The following PTPRM variants were observed in gnomAD, a reference collection of about 807,000 sequenced individuals.
PTPRM encodes protein tyrosine phosphatase receptor type M.
In PTPRM, 47 loss-of-function variants were observed where a neutral mutation model predicts 186.7. The observed-to-expected ratio is 0.25, with a 90% confidence interval of 0.20 to 0.32. PTPRM has a LOEUF of 0.32. Ranked by LOEUF, PTPRM falls within the 10% of genes least tolerant of loss-of-function variation. The pLI is 1.00. For missense variants in PTPRM, 1,494 were observed against 1,865.0 expected, an observed-to-expected ratio of 0.80 and a Z score of 3.66; for synonymous variants, 668 against 674.9, an observed-to-expected ratio of 0.99 and a Z score of 0.16.
intron 7 of PTPRM, among the ~76,000 whole-genome samples, chr18:8,061,285 C>G (rs1483977189): frequency 1.1e-5 from 1 of 89,464 alleles, no homozygotes; most frequent in African/African-American, 4.8e-5. Flanking sequence ...CAACCCCTGC[C>G]TTTTTTTGTT....
intron 19 of PTPRM, among the ~76,000 whole-genome samples, chr18:8,262,196 G>A (rs546562661): frequency 6.6e-6 from 1 of 152,166 alleles, no homozygotes; most frequent in South Asian, 2.1e-4. Context: ...CCCTCCCCTA[G>A]GGCCTGCCCT....
chr18:7,820,777 C>T (rs187809631), intron 2 of PTPRM, among the ~76,000 whole-genome samples: 3 of 152,342 alleles, frequency 2.0e-5, no homozygotes, highest in Non-Finnish European at 4.4e-5. Context: ...TCTTTGGCTT[C>T]TCTCATGGCA....
intron 14 of PTPRM, among the ~76,000 whole-genome samples, chr18:8,196,035 G>A (rs1330433615): frequency 6.6e-6 from 1 of 152,178 alleles, no homozygotes; most frequent in Non-Finnish European, 1.5e-5. Flanking sequence ...CTGACCAGCT[G>A]GCTAGAGGTA....
rs781709172 is a variant in PTPRM at position 7,744,172 on chromosome 18, A to T, written c.74-29977A>T. Among the ~76,000 whole-genome samples, 109 of 152,296 alleles carry T rather than the reference A, an allele frequency of 7.2e-4. 1 individual carries two copies. The highest frequency in any genetic ancestry group is 3.4e-3 in the Middle Eastern group (1 of 294). ...CATATCTCTACAGATTTGAGGCTCA[A>T]AAAGGCCACGGTGTGAAGAAAACTG... On this transcript the variant is annotated intron_variant, in intron 1 of 32. Coordinates refer to ENST00000580170, the MANE Select transcript of PTPRM (RefSeq NM_001105244.2).
At chr18:7,620,656 CA>C (rs2037915728) in intron 1 of PTPRM, among the ~76,000 whole-genome samples, 1 of 152,160 alleles carries the variant, frequency 6.6e-6, no homozygotes, top group South Asian at 2.1e-4. Context: ...ATATAATGCA[CA>C]CTTTATAGCT....
chr18:8,302,867 G>A (rs1383376938), intron 20 of PTPRM, among the ~76,000 whole-genome samples: 6 of 152,012 alleles, frequency 3.9e-5, no homozygotes, highest in Admixed American at 3.9e-4. Flanking sequence ...GAGGAGCTCA[G>A]GTTGGCATGA....
intron 14 of PTPRM, among the ~76,000 whole-genome samples, chr18:8,225,995 G>A (rs4405615): frequency 0.69 from 104,918 of 152,106 alleles, 37,409 homozygotes; most frequent in African/African-American, 0.86. Flanking sequence ...CAACTACAGA[G>A]TAGGAATATA....
intron 1 of PTPRM, among the ~76,000 whole-genome samples, chr18:7,641,715 A>C (rs1352999146): frequency 6.6e-6 from 1 of 152,258 alleles, no homozygotes; most frequent in Admixed American, 6.5e-5. Flanking sequence ...ACTTTCATCT[A>C]TAGGCATTAA....
At chr18:8,364,448 GT>G (rs1359326976) in intron 23 of PTPRM, among the ~76,000 whole-genome samples, 1 of 152,288 alleles carries the variant, frequency 6.6e-6, no homozygotes, top group East Asian at 1.9e-4. Context: ...AGAGCAATCT[GT>G]GTTCTCAGGA....
At chr18:7,626,687 A>G (rs1024331758) in intron 1 of PTPRM, among the ~76,000 whole-genome samples, 4 of 151,992 alleles carry the variant, frequency 2.6e-5, no homozygotes, top group Admixed American at 1.3e-4. Context: ...CACTGGGGTT[A>G]TCTGGGTTAT....
At chr18:7,718,256 AAGCCAAATAC>A (rs2040380565) in intron 1 of PTPRM, among the ~76,000 whole-genome samples, 1 of 152,154 alleles carries the variant, frequency 6.6e-6, no homozygotes, top group South Asian at 2.1e-4. Context: ...CTCAGAAATA[AAGCCAAATAC>A]AGCCAACTGA....
In PTPRM at chr18:7,817,448, A is replaced by G. The variant is rs11874878; in HGVS notation, c.196+43177A>G. On this transcript the variant is annotated intron_variant, in intron 2 of 32. Coordinates refer to ENST00000580170, the MANE Select transcript of PTPRM (RefSeq NM_001105244.2). ...AGTTGATAGAAATGTAATATTAGAT[A>G]CCATTTGGGGTTATTATTGTACTAC... Among the ~76,000 whole-genome samples the G allele has an allele frequency of 1.6e-3, 240 of 152,324 alleles. 1 individual carries two copies. Among genetic ancestry groups the G allele is most frequent in the African/African-American group, 5.3e-3 (221 of 41,580 alleles).
chr18:8,107,515 C>T (rs1235606889), intron 11 of PTPRM, among the ~76,000 whole-genome samples: 1 of 152,182 alleles, frequency 6.6e-6, no homozygotes, highest in Admixed American at 6.5e-5. Context: ...ACTAGCAGAG[C>T]AGCAGGGTAT....
chr18:7,584,474 C>T (rs983946816), intron 1 of PTPRM, among the ~76,000 whole-genome samples: 5 of 152,226 alleles, frequency 3.3e-5, no homozygotes, highest in African/African-American at 9.6e-5. Context: ...CATGGTAACT[C>T]AAGGCCCAGA....
intron 9 of PTPRM, among the ~76,000 whole-genome samples, chr18:8,078,935 A>G (rs569672077): frequency 6.6e-6 from 1 of 152,318 alleles, no homozygotes; most frequent in African/African-American, 2.4e-5. Context: ...CATGACCCAA[A>G]CACCTCCAAC....
At chr18:8,195,266 C>T (rs1354145978) in intron 14 of PTPRM, among the ~76,000 whole-genome samples, 1 of 148,840 alleles carries the variant, frequency 6.7e-6, no homozygotes, top group Non-Finnish European at 1.5e-5. Flanking sequence ...GTATTTGCTT[C>T]GTGGTTCCAT....
intron 32 of PTPRM, among the ~76,000 whole-genome samples, chr18:8,400,309 G>A (rs941027379): frequency 5.9e-5 from 9 of 152,226 alleles, no homozygotes; most frequent in African/African-American, 2.2e-4. Flanking sequence ...TGCAGCAGCC[G>A]AGTGTTAAAA....
chr18:7,749,351 A>G (rs1193203651), intron 1 of PTPRM: 1 of 150,222 alleles, frequency 6.7e-6, no homozygotes, highest in East Asian at 1.9e-4. Context: ...AAAAACTCAC[A>G]TTTTTTTTTG....
intron 2 of PTPRM, among the ~76,000 whole-genome samples, chr18:7,887,261 T>A (rs2048835718): frequency 1.3e-5 from 2 of 152,188 alleles, no homozygotes; most frequent in Admixed American, 1.3e-4. Context: ...TGGGGAAGGC[T>A]CAAGTGCTTG....
Sources: gnomAD v4.1 joint callset for allele counts (sites outside exome capture counted in the v4.1 genomes callset) on GRCh38, gnomAD v4.1.1 for gene constraint, MANE v1.5 for transcripts, NCBI Gene and HGNC (gene_info 2026-07-23, HGNC 2026-07-21) for gene names.